The following TRERF1 variants were observed in gnomAD, a reference collection of about 807,000 sequenced individuals.
TRERF1 encodes transcriptional-regulating factor 1.
TRERF1 carries 27 observed loss-of-function variants against 122.9 expected under a neutral mutation model. The observed-to-expected ratio is 0.22, with a 90% CI of 0.16 to 0.30. The LOEUF is 0.30. Ranked by LOEUF, TRERF1 falls within the 10% of genes least tolerant of loss-of-function variation. TRERF1 has a pLI of 1.00. For synonymous variants in TRERF1, 636 were observed against 641.7 expected (o/e 0.99, Z 0.13); for missense variants, 1,248 against 1,560.3 (o/e 0.80, Z 3.37).
chr6:42,248,703 C>T (rs924531651), intron 13 of TRERF1, among the ~76,000 whole-genome samples: 1 of 152,172 alleles, frequency 6.6e-6, no homozygotes, highest in Non-Finnish European at 1.5e-5. Context: ...CATGAATACT[C>T]AGCAGAAGGG....
chr6:42,369,445 A>G (rs1164738494), intron 2 of TRERF1, among the ~76,000 whole-genome samples: 1 of 152,164 alleles, frequency 6.6e-6, no homozygotes, highest in African/African-American at 2.4e-5. Flanking sequence ...CTCCAACTCA[A>G]AAAATATGAA....
rs79375770 is a variant in TRERF1, at chr6:42,259,276, C to T, written c.2269+63G>A. Reference sequence around the variant, plus strand: ...GGATAAATGAGAAAGCTAAAGAAAACGAGATGTCCCAGGACTTTACCCAGC... The same window carrying T: ...GGATAAATGAGAAAGCTAAAGAAAATGAGATGTCCCAGGACTTTACCCAGC... On this transcript the variant is annotated intron_variant, in intron 9 of 17. Transcript: ENST00000372922. The surrounding 1 kb of genome is among the most constrained non-coding windows in gnomAD (Gnocchi z 4.9). The T allele has an allele frequency of 0.055, 80,596 of 1,455,190 alleles. 2,466 individuals are homozygous for T. Among genetic ancestry groups the T allele is most frequent in the Middle Eastern group, 0.096 (373 of 3,878 alleles). 90.1% of individuals were successfully genotyped at this position (1,455,190 alleles called of 1,614,324 possible). A position where few individuals can be genotyped will look rare whatever the true frequency, so the allele number is the denominator to read the frequency against.
chr6:42,337,176 G>A (rs1299115961), intron 3 of TRERF1, among the ~76,000 whole-genome samples: 2 of 152,304 alleles, frequency 1.3e-5, no homozygotes, highest in East Asian at 1.9e-4. Context: ...ACCCAGCAGG[G>A]AGGCAGCTGG....
intron 3 of TRERF1, among the ~76,000 whole-genome samples, chr6:42,308,160 T>C (rs1192728559): frequency 6.6e-6 from 1 of 152,184 alleles, no homozygotes; most frequent in Non-Finnish European, 1.5e-5. Flanking sequence ...AACAGAAACT[T>C]GCACACAAAT....
intron 4 of TRERF1, among the ~76,000 whole-genome samples, chr6:42,289,357 A>C (rs552823752): frequency 3.5e-5 from 5 of 144,220 alleles, no homozygotes; most frequent in South Asian, 2.2e-4. Flanking sequence ...CAAAAAAAAA[A>C]CAAAAAAAAA....
chr6:42,350,257 A>G (rs1048358195), intron 3 of TRERF1, among the ~76,000 whole-genome samples: 1 of 152,204 alleles, frequency 6.6e-6, no homozygotes, highest in Non-Finnish European at 1.5e-5. Flanking sequence ...TTTGCAGATG[A>G]GTAAATGAGG....
At chr6:42,432,538 A>T (rs1196978392) in intron 2 of TRERF1, among the ~76,000 whole-genome samples, 6 of 152,202 alleles carry the variant, frequency 3.9e-5, no homozygotes, top group South Asian at 4.1e-4. Flanking sequence ...AGCTTGTGCA[A>T]ATATTAAAAA....
intron 2 of TRERF1, among the ~76,000 whole-genome samples, chr6:42,380,447 G>T (rs1053034389): frequency 6.6e-5 from 10 of 152,222 alleles, no homozygotes; most frequent in Non-Finnish European, 1.3e-4. Flanking sequence ...GCCCAGCATA[G>T]CCTCTAAGCA....
At chr6:42,373,997 G>T (rs1033566209) in intron 2 of TRERF1, among the ~76,000 whole-genome samples, 12 of 151,790 alleles carry the variant, frequency 7.9e-5, no homozygotes, top group African/African-American at 2.9e-4. Context: ...GCTGGGCGTG[G>T]TGGCACGTGC....
rs1777290045 is a variant in TRERF1, at chr6:42,259,012, G to A, written c.2269+327C>T. On this transcript the variant is annotated intron_variant, in intron 9 of 17. Transcript: ENST00000372922. The surrounding 1 kb of genome is among the most constrained non-coding windows in gnomAD (Gnocchi z 4.9). ...GACCTCCGAAAACGCTGGGATTACA[G>A]GTGTGAGCCACCGCGCCCGGTCTCA... Among the ~76,000 whole-genome samples the A allele has an allele frequency of 1.3e-5, 2 of 152,144 alleles. No homozygotes were observed. Among genetic ancestry groups the A allele is most frequent in the Admixed American group, 1.3e-4 (2 of 15,262 alleles).
rs552943463 is a variant in TRERF1, at chr6:42,290,741, C to T, written c.-259+9897G>A. Reference sequence around the variant, plus strand: ...ATTTATCCTTTTTTCCATTTCTTTCCTTTTTTTTTTTTTTTTTTTTTTTGA... The same window carrying T: ...ATTTATCCTTTTTTCCATTTCTTTCTTTTTTTTTTTTTTTTTTTTTTTTGA... On this transcript the variant is annotated intron_variant, in intron 4 of 17. Transcript: ENST00000372922. Among the ~76,000 whole-genome samples, 477 of 92,400 alleles carry T rather than the reference C, an allele frequency of 5.2e-3. 4 individuals are homozygous for T. Among genetic ancestry groups the T allele is most frequent in the South Asian group, 8.1e-3 (22 of 2,720 alleles). 60.6% of individuals were successfully genotyped at this position (92,400 alleles called of 152,430 possible). A position where few individuals can be genotyped will look rare whatever the true frequency, so the allele number is the denominator to read the frequency against.
intron 4 of TRERF1, among the ~76,000 whole-genome samples, chr6:42,273,854 T>C (rs1209428459): frequency 6.6e-6 from 1 of 152,218 alleles, no homozygotes; most frequent in African/African-American, 2.4e-5. Context: ...CTCACCCGAC[T>C]TTGAGCACTA....
chr6:42,414,183 A>G (rs1291017756), intron 2 of TRERF1, among the ~76,000 whole-genome samples: 2 of 152,242 alleles, frequency 1.3e-5, no homozygotes, highest in Non-Finnish European at 2.9e-5. Context: ...GTGAAAAACA[A>G]CCAAGGGGAA....
chr6:42,248,841 TG>T (rs753900663), intron 13 of TRERF1, among the ~76,000 whole-genome samples: 2 of 151,954 alleles, frequency 1.3e-5, no homozygotes, highest in Non-Finnish European at 2.9e-5. Context: ...AGGGGGTTGG[TG>T]GGATTTGAGG....
chr6:42,411,820 G>A (rs746707717), intron 2 of TRERF1, among the ~76,000 whole-genome samples: 9 of 152,086 alleles, frequency 5.9e-5, no homozygotes, highest in Non-Finnish European at 1.3e-4. Context: ...TGGGAGGGAG[G>A]CTGTGGAACA....
intron 3 of TRERF1, among the ~76,000 whole-genome samples, chr6:42,323,201 T>C (rs1328919655): frequency 2.0e-5 from 3 of 151,824 alleles, no homozygotes; most frequent in Non-Finnish European, 4.4e-5. Context: ...CCAGTTTTTT[T>C]TTTTTTTTTC....
intron 3 of TRERF1, among the ~76,000 whole-genome samples, chr6:42,360,085 A>G (rs1367663131): frequency 2.0e-5 from 3 of 152,258 alleles, no homozygotes; most frequent in East Asian, 1.9e-4. Context: ...CTAGTTAAAC[A>G]TGCACATAAA....
intron 2 of TRERF1, among the ~76,000 whole-genome samples, chr6:42,422,536 C>T (rs970442548): frequency 1.3e-5 from 2 of 151,608 alleles, no homozygotes; most frequent in African/African-American, 4.9e-5. Flanking sequence ...ATACAAATCT[C>T]CTGCCATACC....
intron 3 of TRERF1, among the ~76,000 whole-genome samples, chr6:42,324,560 G>A (rs1763970672): frequency 6.6e-6 from 1 of 152,096 alleles, no homozygotes; most frequent in African/African-American, 2.4e-5. Flanking sequence ...CAGATACATA[G>A]ATCAATGGAA....
Sources: gnomAD v4.1 joint callset for allele counts (sites outside exome capture counted in the v4.1 genomes callset) on GRCh38, gnomAD v4.1.1 for gene constraint, Gnocchi (gnomAD v3.1) non-coding constraint, MANE v1.5 for transcripts, NCBI Gene and HGNC (gene_info 2026-07-23, HGNC 2026-07-21) for gene names.